The following ZC3H12B variants were observed in gnomAD, a reference collection of about 807,000 sequenced individuals.
The protein encoded by ZC3H12B is probable ribonuclease ZC3H12B.
A neutral mutation model predicts 43.9 loss-of-function variants in ZC3H12B; 7 were observed. The observed-to-expected ratio is 0.16, with a 90% CI of 0.09 to 0.30. The LOEUF (loss-of-function observed/expected upper bound fraction) is 0.30, where lower values mean the gene tolerates loss of function less well. Ranked by LOEUF, ZC3H12B falls within the 10% of genes least tolerant of loss-of-function variation. The pLI, the probability that ZC3H12B is intolerant of heterozygous loss-of-function variation, is 1.00. For synonymous variants in ZC3H12B, 222 were observed against 241.7 expected, an observed-to-expected ratio of 0.92 and a Z score of 0.76; for missense variants, 475 against 670.2, an observed-to-expected ratio of 0.71 and a Z score of 3.22.
chrX:65,373,690 A>G (rs1286067421), intron 2 of ZC3H12B, among the ~76,000 whole-genome samples: 1 of 88,991 alleles, frequency 1.1e-5, no homozygotes, highest in Non-Finnish European at 2.2e-5. Flanking sequence ...GAATTGATCA[A>G]TGAGGACACT....
At chrX:65,162,124 G>T in the ZC3H12B span, among the ~76,000 whole-genome samples, 2 of 111,518 alleles carry the variant, frequency 1.8e-5, no homozygotes, top group African/African-American at 3.3e-5. Context: ...TAGAGTTTCT[G>T]CCACGAGATC....
intron 3 of ZC3H12B, among the ~76,000 whole-genome samples, chrX:65,416,484 T>G (rs781082555): frequency 9.0e-6 from 1 of 110,949 alleles, no homozygotes; most frequent in Non-Finnish European, 1.9e-5. Context: ...AGACACTTAT[T>G]AGAAATGCAA....
the ZC3H12B span, among the ~76,000 whole-genome samples, chrX:65,110,759 C>A: frequency 9.0e-6 from 1 of 111,355 alleles, no homozygotes; most frequent in African/African-American, 3.3e-5. Context: ...TTGTCTATAT[C>A]TACCAAATAT....
chrX:65,224,934 A>G, the ZC3H12B span, among the ~76,000 whole-genome samples: 1 of 111,788 alleles, frequency 8.9e-6, no homozygotes, highest in Non-Finnish European at 1.9e-5. Context: ...GTAGGCTCCA[A>G]CTCTGGGGGA....
chrX:65,276,013 A>G, the ZC3H12B span, among the ~76,000 whole-genome samples: 1 of 111,352 alleles, frequency 9.0e-6, no homozygotes, highest in Non-Finnish European at 1.9e-5. Flanking sequence ...AAACCCAAAT[A>G]GCAATTCCTC....
the ZC3H12B span, among the ~76,000 whole-genome samples, chrX:65,284,799 A>T: frequency 8.9e-6 from 1 of 111,847 alleles, no homozygotes. Context: ...AGATATTTTT[A>T]AAAGAACCAA....
the ZC3H12B span, among the ~76,000 whole-genome samples, chrX:65,106,145 C>G: frequency 3.6e-5 from 4 of 111,347 alleles, no homozygotes; most frequent in South Asian, 3.8e-4. Context: ...AAACCCAATA[C>G]TTCAAGAGAA....
At chrX:65,088,116 A>C in the ZC3H12B span, among the ~76,000 whole-genome samples, 1 of 111,999 alleles carries the variant, frequency 8.9e-6, no homozygotes, top group Admixed American at 9.4e-5. Flanking sequence ...TGACGGTGAT[A>C]GTGTTTACAT....
chrX:65,277,281 A>G, the ZC3H12B span, among the ~76,000 whole-genome samples: 57 of 111,763 alleles, frequency 5.1e-4, no homozygotes, highest in Admixed American at 4.9e-3. Context: ...GGAGTTCAAC[A>G]CCCTAATGTC....
chrX:65,503,621 TA>T lies in ZC3H12B; in HGVS notation c.*413del, dbSNP rs368479377. 1.4e-3 allele frequency: 156 copies of T among 112,536 alleles called. 1 individual carries two copies. The highest frequency in any genetic ancestry group is 5.2e-3 in the African/African-American group (148 of 28,661). 9.3% of individuals were successfully genotyped at this position (112,536 alleles called of 1,213,427 possible). The stretch of plus-strand genomic sequence containing the variant: ...CTTTTCGTTTCTTTCTTTCTTTCTT[TA>T]TTTTTTTTTTTTGAGACAGAATCTC... On this transcript the variant is annotated 3_prime_UTR_variant, in exon 5 of 5. Coordinates refer to ENST00000338957, the Ensembl canonical transcript of ZC3H12B.
the ZC3H12B span, among the ~76,000 whole-genome samples, chrX:65,230,701 A>G: frequency 2.7e-5 from 3 of 110,794 alleles, no homozygotes; most frequent in East Asian, 8.4e-4. Flanking sequence ...TTCAAACATG[A>G]AAGAGAAGTA....
chrX:65,115,694 T>A, the ZC3H12B span, among the ~76,000 whole-genome samples: 1 of 111,567 alleles, frequency 9.0e-6, no homozygotes, highest in Non-Finnish European at 1.9e-5. Flanking sequence ...GCCTTCCCTT[T>A]TCACTACATT....
chrX:65,502,627 C>A, exon 5 of ZC3H12B: 1 of 1,209,732 alleles, frequency 8.3e-7, no homozygotes, highest in Non-Finnish European at 1.1e-6. Flanking sequence ...AGAGCTATGG[C>A]CCAGAGGATT....
chrX:65,373,808 T>G (rs1210638834), intron 2 of ZC3H12B, among the ~76,000 whole-genome samples: 30 of 89,046 alleles, frequency 3.4e-4, no homozygotes, highest in African/African-American at 1.2e-3. Context: ...AGTTAATGAG[T>G]GCAGCACACC....
At chrX:65,233,667 CTAG>C in the ZC3H12B span, among the ~76,000 whole-genome samples, 4 of 110,191 alleles carry the variant, frequency 3.6e-5, no homozygotes, top group Middle Eastern at 0.019. Context: ...AATAAACAAC[CTAG>C]TAGTGCATTT....
chrX:65,375,613 C>T lies in ZC3H12B; in HGVS notation n.295+6615C>T, dbSNP rs376362451. Among the ~76,000 whole-genome samples the T allele has an allele frequency of 1.4e-4, 15 of 110,766 alleles. No homozygotes were observed. The East Asian group carries it at 2.0e-3, about 15-fold the overall frequency. On this transcript the variant is annotated intron_variant and non_coding_transcript_variant, in intron 2 of 5. Transcript: ENST00000617377. Reference sequence around the variant, plus strand: ...CTTGAATACCAGCTCAGCCACAGTACGGTGGAGCACTGATCAAAGTTTTGA... The same window carrying T: ...CTTGAATACCAGCTCAGCCACAGTATGGTGGAGCACTGATCAAAGTTTTGA...
chrX:65,100,039 A>G, the ZC3H12B span, among the ~76,000 whole-genome samples: 1 of 111,915 alleles, frequency 8.9e-6, no homozygotes. Flanking sequence ...AAGAACATAA[A>G]TGAACTGATG....
chrX:65,212,362 T>G, the ZC3H12B span, among the ~76,000 whole-genome samples: 1 of 38,308 alleles, frequency 2.6e-5, no homozygotes, highest in African/African-American at 1.1e-4. Context: ...ATTATTATAT[T>G]TATATTACAT....
chrX:65,239,072 A>G, the ZC3H12B span, among the ~76,000 whole-genome samples: 2 of 112,027 alleles, frequency 1.8e-5, no homozygotes, highest in Non-Finnish European at 3.8e-5. Flanking sequence ...GTTTTTGGGT[A>G]GAGAGTTCTG....
Sources: allele counts gnomAD v4.1 joint callset (sites outside exome capture counted in the v4.1 genomes callset), GRCh38; gene constraint gnomAD v4.1.1; transcripts MANE v1.5; gene names NCBI Gene and HGNC (gene_info 2026-07-23, HGNC 2026-07-21).